Variants in EIPR1 observed in about 807,000 individuals in gnomAD.
EIPR1 encodes the protein EARP and GARP complex-interacting protein 1.
EIPR1 carries 25 observed loss-of-function variants against 48.1 expected under a neutral mutation model. The observed-to-expected ratio is 0.52, with a 90% confidence interval of 0.38 to 0.73. The LOEUF (loss-of-function observed/expected upper bound fraction) is 0.73. Ranked by LOEUF, EIPR1 falls within the 30% of genes least tolerant of loss-of-function variation. The pLI is 0.00. For synonymous variants in EIPR1, 204 were observed against 201.9 expected (o/e 1.01, Z -0.09); for missense variants, 415 against 506.2 (o/e 0.82, Z 1.73).
intron 5 of EIPR1, among the ~76,000 whole-genome samples, chr2:3,197,915 G>T (rs1234137815): frequency 6.6e-6 from 1 of 152,178 alleles, no homozygotes; most frequent in African/African-American, 2.4e-5. Flanking sequence ...CAGGCTGAGG[G>T]CAGGTCCAAA....
At chr2:3,258,283 A>G (rs1188477794) in intron 3 of EIPR1, among the ~76,000 whole-genome samples, 1 of 152,182 alleles carries the variant, frequency 6.6e-6, no homozygotes, top group Non-Finnish European at 1.5e-5. Flanking sequence ...TCTCAATATG[A>G]TAAATTTTTT....
intron 3 of EIPR1, among the ~76,000 whole-genome samples, chr2:3,309,559 A>G (rs1669058618): frequency 6.6e-6 from 1 of 152,152 alleles, no homozygotes; most frequent in East Asian, 1.9e-4. Context: ...GAGGGAATAA[A>G]CACACGCACA....
At chr2:3,304,081 A>C (rs1055865014) in intron 3 of EIPR1, among the ~76,000 whole-genome samples, 8 of 152,234 alleles carry the variant, frequency 5.3e-5, no homozygotes, top group African/African-American at 1.9e-4. Context: ...ACGGTCACCA[A>C]GTTCACACAG....
At chr2:3,342,057 G>T (rs779384138) in intron 2 of EIPR1, among the ~76,000 whole-genome samples, 7 of 152,062 alleles carry the variant, frequency 4.6e-5, no homozygotes, top group Non-Finnish European at 1.0e-4. Flanking sequence ...ATTCTTTTAT[G>T]TTTGTTATAA....
chr2:3,276,176 T>TCTAAAAATG (rs1667842771), intron 3 of EIPR1, among the ~76,000 whole-genome samples: 2 of 152,228 alleles, frequency 1.3e-5, no homozygotes, highest in South Asian at 4.1e-4. Context: ...AATTACCATT[T>TCTAAAAATG]AGGGTGAAAA....
chr2:3,214,461 T>C (rs1204299297), intron 4 of EIPR1: 2 of 453,190 alleles, frequency 4.4e-6, no homozygotes, highest in East Asian at 7.9e-5. Flanking sequence ...CCCAGATTCA[T>C]GTGTGGAAGT....
At chr2:3,236,124 G>A (rs777339465) in intron 4 of EIPR1, among the ~76,000 whole-genome samples, 32 of 152,276 alleles carry the variant, frequency 2.1e-4, no homozygotes, top group Admixed American at 5.9e-4. Flanking sequence ...ACAGCCCGCA[G>A]CACAGAACTG....
intron 5 of EIPR1, among the ~76,000 whole-genome samples, chr2:3,212,840 A>T (rs1458590757): frequency 2.6e-5 from 4 of 152,236 alleles, no homozygotes; most frequent in Non-Finnish European, 4.4e-5. Context: ...TCATGAAAAT[A>T]ATAATTCTCT....
intron 2 of EIPR1, among the ~76,000 whole-genome samples, chr2:3,342,027 T>C (rs964163558): frequency 2.0e-5 from 3 of 152,200 alleles, no homozygotes; most frequent in Non-Finnish European, 1.5e-5. Context: ...ATAGAATTGA[T>C]CCGGATTATA....
At chr2:3,369,516 T>C (rs370530250) in intron 1 of EIPR1, among the ~76,000 whole-genome samples, 6 of 152,244 alleles carry the variant, frequency 3.9e-5, no homozygotes, top group African/African-American at 1.4e-4. Flanking sequence ...CCTGGAAAAT[T>C]GAGCCACTCC....
intron 3 of EIPR1, among the ~76,000 whole-genome samples, chr2:3,275,616 CT>C (rs1434688379): frequency 6.6e-6 from 1 of 151,762 alleles, no homozygotes; most frequent in Non-Finnish European, 1.5e-5. Context: ...AATCATATTC[CT>C]TTTTTAACTG....
chr2:3,377,217 G>C (rs1029034354), intron 1 of EIPR1: 1 of 168,108 alleles, frequency 5.9e-6, no homozygotes, highest in South Asian at 1.8e-4. Context: ...AGGGAAGCTG[G>C]GTGGAGGGTA....
intron 3 of EIPR1, among the ~76,000 whole-genome samples, chr2:3,272,036 C>T (rs548304764): frequency 8.5e-5 from 13 of 152,350 alleles, no homozygotes; most frequent in East Asian, 5.8e-4. Context: ...TGTACTCTTA[C>T]GCTATGGAGA....
At chr2:3,219,186 T>C (rs180961838) in intron 4 of EIPR1, among the ~76,000 whole-genome samples, 1 of 150,884 alleles carries the variant, frequency 6.6e-6, no homozygotes, top group African/African-American at 2.4e-5. Flanking sequence ...TGATACACTC[T>C]AGAGCTTTCA....
chr2:3,341,314 C>T (rs1199572809), intron 2 of EIPR1, among the ~76,000 whole-genome samples: 2 of 152,166 alleles, frequency 1.3e-5, no homozygotes, highest in East Asian at 3.9e-4. Flanking sequence ...CCATTCACCG[C>T]AGGCCTGGAG....
chr2:3,365,915 G>T (rs1030746434), intron 1 of EIPR1, among the ~76,000 whole-genome samples: 4 of 140,738 alleles, frequency 2.8e-5, no homozygotes, highest in African/African-American at 7.6e-5. Flanking sequence ...TTTCTCAGGT[G>T]GGGGAGTCAG....
chr2:3,316,257 AC>A (rs1669297393), intron 3 of EIPR1, among the ~76,000 whole-genome samples: 1 of 126,820 alleles, frequency 7.9e-6, no homozygotes, highest in Non-Finnish European at 1.7e-5. Context: ...CACCATCCCC[AC>A]TCCCACCCCC....
intron 2 of EIPR1, among the ~76,000 whole-genome samples, chr2:3,342,218 A>C (rs1670272949): frequency 6.6e-6 from 1 of 152,042 alleles, no homozygotes; most frequent in South Asian, 2.1e-4. Flanking sequence ...TAATACCAAA[A>C]ATGTTACAAG....
intron 2 of EIPR1, chr2:3,353,221 T>G (rs775404088): frequency 4.5e-5 from 21 of 470,974 alleles, no homozygotes; most frequent in Non-Finnish European, 8.4e-5. Flanking sequence ...TTTCCTGGCA[T>G]CCGCTGGGTG....
Sources: gnomAD v4.1 joint callset for allele counts (sites outside exome capture counted in the v4.1 genomes callset) on GRCh38, gnomAD v4.1.1 for gene constraint, MANE v1.5 for transcripts, NCBI Gene and HGNC (gene_info 2026-07-23, HGNC 2026-07-21) for gene names.